Variants in REV3L observed in about 807,000 individuals in gnomAD.
REV3L encodes the protein REV3 like, DNA directed polymerase zeta catalytic subunit.
Under a neutral mutation model 299.4 loss-of-function variants are expected in REV3L, and 69 were observed. That is an observed-to-expected ratio of 0.23 (90% confidence interval 0.19 to 0.28). The LOEUF (loss-of-function observed/expected upper bound fraction) is 0.28, where lower values mean the gene tolerates loss of function less well. REV3L is among the 10% of genes least tolerant of loss of function. The pLI is 1.00. For missense variants in REV3L, 3,128 were observed against 3,693.8 expected, an observed-to-expected ratio of 0.85 and a Z score of 3.97; for synonymous variants, 1,238 against 1,271.4, an observed-to-expected ratio of 0.97 and a Z score of 0.56.
At chr6:111,339,263 A>G (rs546969773) in intron 21 of REV3L, among the ~76,000 whole-genome samples, 8 of 152,250 alleles carry the variant, frequency 5.3e-5, no homozygotes, top group African/African-American at 1.9e-4. Context: ...ATGAGGTAGA[A>G]TATATTAACA....
intron 1 of REV3L, among the ~76,000 whole-genome samples, chr6:111,465,180 A>C (rs1011163809): frequency 6.8e-6 from 1 of 146,582 alleles, no homozygotes; most frequent in African/African-American, 2.5e-5. Flanking sequence ...TCCCGGGTTC[A>C]AGTGATTCTC....
At chr6:111,360,926 GA>G (rs1362242507) in intron 16 of REV3L, among the ~76,000 whole-genome samples, 1 of 151,586 alleles carries the variant, frequency 6.6e-6, no homozygotes, top group African/African-American at 2.4e-5. Flanking sequence ...CAAACCACAT[GA>G]AATGGAGAGC....
intron 3 of REV3L, among the ~76,000 whole-genome samples, chr6:111,408,069 T>C (rs964744133): frequency 8.5e-5 from 13 of 152,136 alleles, no homozygotes; most frequent in African/African-American, 2.9e-4. Flanking sequence ...CAAAGTTTTA[T>C]TAATATTAAA....
Position 111,367,939 on chromosome 6 carries a change from C to G in REV3L, c.5849G>C (p.Arg1950Pro). The G allele has an allele frequency of 6.2e-7, 1 of 1,614,110 alleles. No homozygotes were observed. The highest frequency in any genetic ancestry group is 8.5e-7 in the Non-Finnish European group (1 of 1,179,980). Residue 1950 changes from arginine to proline, a missense_variant, in exon 14 of 32, where the codon CGT (arginine) becomes CCT (proline). Around this residue, in one of 9 missense-constraint regions of REV3L, gnomAD observed 2,409 missense variants for 2,611.8 expected, o/e 0.92. Coordinates refer to ENST00000368802, the MANE Select transcript of REV3L (RefSeq NM_001372078.1). ...TGCTGAGAATGCTGTTTTCCAAAGA[C>G]GAAGTCCTTCCAAGGAAAAGTCTCC... is the stretch of plus-strand genomic sequence containing the variant. The part of the protein sequence containing the change: ...FEGDFSLEGL[R>P]LWKTAFSAMT...
intron 18 of REV3L, among the ~76,000 whole-genome samples, chr6:111,355,594 T>A (rs1778005296): frequency 6.6e-6 from 1 of 152,182 alleles, no homozygotes; most frequent in Admixed American, 6.5e-5. Context: ...TATGGACATT[T>A]AAGAAAGTTA....
At chr6:111,331,272 G>A (rs1317411486) in intron 24 of REV3L, among the ~76,000 whole-genome samples, 1 of 151,988 alleles carries the variant, frequency 6.6e-6, no homozygotes, top group African/African-American at 2.4e-5. Flanking sequence ...TTCTAAGATA[G>A]TCTTAATTTA....
intron 4 of REV3L, among the ~76,000 whole-genome samples, chr6:111,393,640 G>GT (rs1782171180): frequency 6.6e-6 from 1 of 152,088 alleles, no homozygotes; most frequent in Non-Finnish European, 1.5e-5. Context: ...GCCTGTCTTC[G>GT]TATCTTCCTG....
At chr6:111,371,975 C>T (rs118084273) in intron 13 of REV3L, among the ~76,000 whole-genome samples, 3,680 of 152,184 alleles carry the variant, frequency 0.024, 59 homozygotes, top group Admixed American at 0.065. Context: ...TACAGGTGCA[C>T]ACCACCATAC....
At chr6:111,483,612 A>G (rs1794044889), upstream of REV3L, 1 of 446,550 alleles carries the variant, frequency 2.2e-6, no homozygotes, top group Non-Finnish European at 4.4e-6. Context: ...GCCGACCGCC[A>G]TTTCACATCC....
chr6:111,399,870 A>G (rs563827499), intron 4 of REV3L, among the ~76,000 whole-genome samples: 2 of 152,284 alleles, frequency 1.3e-5, no homozygotes, highest in South Asian at 2.1e-4. Context: ...ACTGTACAGA[A>G]TAATTCCTTC....
At position 111,307,514 on chromosome 6, in the gene REV3L, A is replaced by G; in HGVS notation, c.9099T>C (p.Ile3033=). 6.2e-7 allele frequency: 1 copy of G among 1,614,234 alleles called. No homozygotes were observed. The highest frequency in any genetic ancestry group is 8.5e-7 in the Non-Finnish European group (1 of 1,180,040). ...AGTGTAAGGTAGTAAAATATTGTGA[A>G]ATAGTGCCTTTCCGCCCTTCAGGTT... ...RSEPEGRKGT[I]SQYFTTLHCP... The change falls in exon 31 of 32, where the codon ATT becomes ATC. Residue 3033 remains isoleucine, a synonymous_variant. Coordinates refer to ENST00000368802, the MANE Select transcript of REV3L (RefSeq NM_001372078.1).
chr6:111,389,473 T>C (rs575644512), intron 6 of REV3L, among the ~76,000 whole-genome samples: 1 of 152,254 alleles, frequency 6.6e-6, no homozygotes, highest in South Asian at 2.1e-4. Flanking sequence ...TGCTGATATA[T>C]AATATGAAAA....
intron 1 of REV3L, among the ~76,000 whole-genome samples, chr6:111,459,107 AG>A (rs1790472995): frequency 6.6e-6 from 1 of 152,132 alleles, no homozygotes; most frequent in African/African-American, 2.4e-5. Flanking sequence ...AAAACAGAAT[AG>A]ACAACCCAGA....
rs559107884 is a variant in REV3L, at chr6:111,396,899, T to C, written c.566-3927A>G. Among the ~76,000 whole-genome samples the C allele has an allele frequency of 2.2e-3, 335 of 152,288 alleles. 1 individual carries two copies. Among genetic ancestry groups the C allele is most frequent in the African/African-American group, 7.3e-3 (304 of 41,568 alleles). ...CGTCCAAAAATGTACACATTCCCTC[T>C]AGGTTTCCCAACTTGTTCACATATA... On this transcript the variant is annotated intron_variant, in intron 4 of 31. Transcript: ENST00000368802.
rs905426737 is a variant in REV3L, at chr6:111,331,364, G to A, written c.8034+312C>T. On this transcript the variant is annotated intron_variant, in intron 24 of 31. Transcript: ENST00000368802. ...GTAGGTAATATATTTTGACCATTAA[G>A]TTGCCATTTAAGTCTGCCTGATTCT... 2.6e-5 allele frequency among the ~76,000 whole-genome samples: 4 copies of A among 152,214 alleles called. No homozygotes were observed. The South Asian group carries it at 8.3e-4, about 32-fold the overall frequency.
rs1031603554 is a variant in REV3L at position 111,299,347 on chromosome 6, C to CTT, written c.*667_*668dup. The CTT allele has an allele frequency of 4.6e-5, 7 of 152,432 alleles. No individual in the cohort carries two copies. The highest frequency in any genetic ancestry group is 1.7e-4 in the African/African-American group (7 of 41,438). 9.4% of individuals were successfully genotyped at this position (152,432 alleles called of 1,614,324 possible). ...GCCCACAGGTTTGTAACAAAAATGTCTTTGCACAGTTCCTCACAATGCCCC... is the reference window on the plus strand; with the variant it reads ...GCCCACAGGTTTGTAACAAAAATGTCTTTTTGCACAGTTCCTCACAATGCCCC... On this transcript the variant is annotated 3_prime_UTR_variant, in exon 32 of 32. Coordinates refer to ENST00000368802, the MANE Select transcript of REV3L (RefSeq NM_001372078.1).
intron 20 of REV3L, among the ~76,000 whole-genome samples, chr6:111,347,715 T>C (rs1777167042): frequency 6.6e-6 from 1 of 152,218 alleles, no homozygotes; most frequent in Non-Finnish European, 1.5e-5. Context: ...AGATAGGCTC[T>C]AGCTCTGTCA....
At position 111,392,903 on chromosome 6, in the gene REV3L, A is replaced by C; in HGVS notation, c.635T>G (p.Phe212Cys). 2.5e-6 allele frequency: 4 copies of C among 1,612,472 alleles called. No homozygotes were observed. The highest frequency in any genetic ancestry group is 3.4e-6 in the Non-Finnish European group (4 of 1,178,622). ...LSGNSLADTL[F>C]RWEQDEIPSS... Reference sequence around the variant, plus strand: ...TGGTATTTCATCTTGTTCCCACCGAAATAAAGTATCAGCAAGAGAATTTCC... The same window carrying C: ...TGGTATTTCATCTTGTTCCCACCGACATAAAGTATCAGCAAGAGAATTTCC... The change falls in exon 5 of 32, where the codon TTT becomes TGT. Residue 212 changes from phenylalanine (F) to cysteine (C), a missense_variant. Coordinates refer to ENST00000368802, the MANE Select transcript of REV3L (RefSeq NM_001372078.1).
At chr6:111,394,393 T>C (rs370894878) in intron 4 of REV3L, among the ~76,000 whole-genome samples, 2 of 152,240 alleles carry the variant, frequency 1.3e-5, no homozygotes, top group Admixed American at 6.5e-5. Flanking sequence ...ATTAGTGATG[T>C]TGAACATTTA....
Sources: gnomAD v4.1 joint callset for allele counts (sites outside exome capture counted in the v4.1 genomes callset) on GRCh38, gnomAD v4.1.1 for gene constraint, gnomAD v4.1.1 regional missense constraint, MANE v1.5 for transcripts, NCBI Gene and HGNC (gene_info 2026-07-23, HGNC 2026-07-21) for gene names.